STK33: variants seen among roughly 807,000 people sequenced by gnomAD.
STK33 encodes the protein serine/threonine kinase 33, also known as serine/threonine-protein kinase 33.
A neutral mutation model predicts 58.0 loss-of-function variants in STK33; 52 were observed. The ratio of observed to expected loss-of-function variants is 0.90; its 90% CI spans 0.72 to 1.13. The LOEUF (loss-of-function observed/expected upper bound fraction) is 1.13. Ranked by LOEUF, STK33 falls within the 50% of genes most tolerant of loss-of-function variation. STK33 has a pLI of 0.00. For missense variants in STK33, 630 were observed against 604.2 expected, an observed-to-expected ratio of 1.04 and a Z score of -0.45; for synonymous variants, 215 against 200.1, an observed-to-expected ratio of 1.07 and a Z score of -0.63.
the STK33 span, among the ~76,000 whole-genome samples, chr11:8,385,399 T>C: frequency 6.6e-6 from 1 of 152,190 alleles, no homozygotes; most frequent in Admixed American, 6.5e-5. Context: ...CCTTCCCTGA[T>C]CATCCTGGCC....
intron 1 of STK33, among the ~76,000 whole-genome samples, chr11:8,531,783 G>T (rs2140136266): frequency 6.6e-6 from 1 of 152,268 alleles, no homozygotes; most frequent in East Asian, 1.9e-4. Context: ...TAGACCCAAG[G>T]AAAGTAGGCA....
At chr11:8,565,692 GA>G (rs1411993453) in intron 1 of STK33, 6 of 152,226 alleles carry the variant, frequency 3.9e-5, no homozygotes. Context: ...GGTACCATTA[GA>G]AATCATTAAC....
At chr11:8,447,568 C>T (rs941888523) in intron 11 of STK33, among the ~76,000 whole-genome samples, 24 of 152,254 alleles carry the variant, frequency 1.6e-4, no homozygotes, top group African/African-American at 5.8e-4. Flanking sequence ...CAGAAAAGGC[C>T]TTTGACAAAA....
At chr11:8,438,693 A>G (rs1025084165) in intron 12 of STK33, among the ~76,000 whole-genome samples, 1 of 152,192 alleles carries the variant, frequency 6.6e-6, no homozygotes, top group Non-Finnish European at 1.5e-5. Context: ...CTTAACACCA[A>G]GTTCAAACTA....
chr11:8,390,263 C>T (rs1015733460), downstream of STK33, among the ~76,000 whole-genome samples: 1 of 152,164 alleles, frequency 6.6e-6, no homozygotes, highest in African/African-American at 2.4e-5. Flanking sequence ...TTGAAAATAA[C>T]ACCTGCGCTG....
At chr11:8,375,397 G>T in the STK33 span, among the ~76,000 whole-genome samples, 1 of 152,092 alleles carries the variant, frequency 6.6e-6, no homozygotes, top group Non-Finnish European at 1.5e-5. Flanking sequence ...TCCCCCCATT[G>T]CTTGACAGAA....
intron 1 of STK33, among the ~76,000 whole-genome samples, chr11:8,592,009 T>C (rs2032688712): frequency 6.6e-6 from 1 of 151,162 alleles, no homozygotes; most frequent in Admixed American, 6.6e-5. Flanking sequence ...AAAAAAAAAA[T>C]TACTCTGCCT....
chr11:8,583,686 G>A (rs2030873177), intron 1 of STK33, among the ~76,000 whole-genome samples: 1 of 152,000 alleles, frequency 6.6e-6, no homozygotes, highest in African/African-American at 2.4e-5. Context: ...TTTACAATAA[G>A]CATAGTTATA....
In STK33 at chr11:8,452,883, C is replaced by T. The variant is rs2136957066; in HGVS notation, c.810G>A (p.Val270=). Residue 270 remains valine (V), a synonymous_variant, in exon 11 of 16, where the codon GTG becomes GTA. Coordinates refer to ENST00000687296, the MANE Select transcript of STK33 (RefSeq NM_001352389.2). The part of the protein sequence containing the change: ...NIKVTDFGLA[V]KKQSRSEAML... The stretch of plus-strand genomic sequence containing the variant: ...TGGCTTCACTCCTACTTTGCTTCTT[C>T]ACCGCTAAGCCAAAATCAGTCACCT... 6.2e-7 allele frequency: 1 copy of T among 1,614,156 alleles called. No homozygotes were observed.
At chr11:8,335,625 T>G in the STK33 span, among the ~76,000 whole-genome samples, 1 of 152,214 alleles carries the variant, frequency 6.6e-6, no homozygotes, top group Non-Finnish European at 1.5e-5. Flanking sequence ...GCCAGCATTG[T>G]CCTATAGAAA....
At chr11:8,430,038 A>G (rs1205684822) in intron 14 of STK33, among the ~76,000 whole-genome samples, 1 of 152,208 alleles carries the variant, frequency 6.6e-6, no homozygotes, top group Non-Finnish European at 1.5e-5. Context: ...GAGAAAACTC[A>G]CACAAGCACA....
At chr11:8,337,652 G>T in the STK33 span, among the ~76,000 whole-genome samples, 4 of 144,598 alleles carry the variant, frequency 2.8e-5, no homozygotes, top group East Asian at 6.7e-4. Context: ...GGGCGGGGGG[G>T]GGGCCCTGCC....
intron 15 of STK33, among the ~76,000 whole-genome samples, chr11:8,394,111 T>C (rs1327483688): frequency 6.6e-6 from 1 of 152,212 alleles, no homozygotes; most frequent in East Asian, 1.9e-4. Context: ...AGCAAACTTC[T>C]GGGTTATTTC....
intron 1 of STK33, among the ~76,000 whole-genome samples, chr11:8,563,119 C>A (rs2140972367): frequency 6.6e-6 from 1 of 152,182 alleles, no homozygotes; most frequent in East Asian, 1.9e-4. Flanking sequence ...TGACAGATTG[C>A]AAAAATGAGT....
At chr11:8,380,920 C>T in the STK33 span, among the ~76,000 whole-genome samples, 3 of 152,064 alleles carry the variant, frequency 2.0e-5, no homozygotes, top group Non-Finnish European at 4.4e-5. Context: ...CACATATATA[C>T]ACACTACTCA....
chr11:8,516,966 T>C (rs988249028), intron 1 of STK33, among the ~76,000 whole-genome samples: 2 of 152,194 alleles, frequency 1.3e-5, no homozygotes, highest in African/African-American at 4.8e-5. Flanking sequence ...CCCTGTGTGA[T>C]GGCTTTGAAG....
At chr11:8,523,883 G>A (rs1335902209) in intron 1 of STK33, among the ~76,000 whole-genome samples, 1 of 152,256 alleles carries the variant, frequency 6.6e-6, no homozygotes, top group Non-Finnish European at 1.5e-5. Context: ...AGAAAAGGGG[G>A]AAATGTGGGA....
At chr11:8,507,219 T>A (rs1425719359) in intron 1 of STK33, among the ~76,000 whole-genome samples, 5 of 152,170 alleles carry the variant, frequency 3.3e-5, no homozygotes, top group African/African-American at 9.7e-5. Flanking sequence ...ACCAGCCCTC[T>A]AGCCTAGCTC....
At chr11:8,519,763 G>A (rs1953209139) in intron 1 of STK33, among the ~76,000 whole-genome samples, 1 of 152,092 alleles carries the variant, frequency 6.6e-6, no homozygotes, top group Non-Finnish European at 1.5e-5. Context: ...TAAATTCCTG[G>A]ACACATACAC....
Sources: allele counts gnomAD v4.1 joint callset (sites outside exome capture counted in the v4.1 genomes callset), GRCh38; gene constraint gnomAD v4.1.1; transcripts MANE v1.5; gene names NCBI Gene and HGNC (gene_info 2026-07-23, HGNC 2026-07-21).